ASTN2: variants seen among roughly 807,000 people sequenced by gnomAD.
ASTN2 encodes the protein astrotactin 2.
In ASTN2, 54 loss-of-function variants were observed where a neutral mutation model predicts 139.8. The ratio of observed to expected loss-of-function variants is 0.39; its 90% CI spans 0.31 to 0.48. The LOEUF (loss-of-function observed/expected upper bound fraction) is 0.48, where lower values mean the gene tolerates loss of function less well. ASTN2 is among the 20% of genes least tolerant of loss of function. The probability of loss-of-function intolerance (pLI) is 0.95; values close to 1 mark genes in which losing one functional copy is unlikely to be tolerated. For missense variants in ASTN2, 1,565 were observed against 1,725.1 expected (o/e 0.91, Z 1.64); for synonymous variants, 756 against 719.5 (o/e 1.05, Z -0.81).
intron 1 of ASTN2, among the ~76,000 whole-genome samples, chr9:117,308,971 C>T (rs1827872978): frequency 6.6e-6 from 1 of 152,214 alleles, no homozygotes; most frequent in Non-Finnish European, 1.5e-5. Flanking sequence ...ATGACCTCCC[C>T]TTCCATAAGT....
intron 7 of ASTN2, among the ~76,000 whole-genome samples, chr9:116,991,419 A>T (rs2132551955): frequency 6.7e-6 from 1 of 150,126 alleles, no homozygotes; most frequent in South Asian, 2.1e-4. Context: ...ATCATGATTA[A>T]GTCTTTTGTG....
chr9:116,501,578 A>G (rs1849855031), intron 19 of ASTN2, among the ~76,000 whole-genome samples: 1 of 152,110 alleles, frequency 6.6e-6, no homozygotes, highest in African/African-American at 2.4e-5. Flanking sequence ...TTACAGTCCC[A>G]CCAACAGTGT....
intron 13 of ASTN2, among the ~76,000 whole-genome samples, chr9:116,743,170 C>A (rs1311895254): frequency 6.6e-6 from 1 of 152,104 alleles, no homozygotes; most frequent in Non-Finnish European, 1.5e-5. Flanking sequence ...GGGGAGAATG[C>A]AACTGAGGCA....
At chr9:117,087,381 C>T (rs1828593880) in intron 5 of ASTN2, among the ~76,000 whole-genome samples, 1 of 152,046 alleles carries the variant, frequency 6.6e-6, no homozygotes, top group South Asian at 2.1e-4. Context: ...ATTAAAGGCA[C>T]ATGCCACTAC....
intron 17 of ASTN2, among the ~76,000 whole-genome samples, chr9:116,634,467 G>A (rs1223527119): frequency 6.6e-6 from 1 of 151,744 alleles, no homozygotes; most frequent in Non-Finnish European, 1.5e-5. Flanking sequence ...GCGGGCGCCT[G>A]TAGTCCCAGC....
chr9:117,384,396 G>A (rs957949344), intron 1 of ASTN2, among the ~76,000 whole-genome samples: 2 of 151,574 alleles, frequency 1.3e-5, no homozygotes, highest in Admixed American at 6.6e-5. Flanking sequence ...AACACATCTC[G>A]GCCTAACCAA....
chr9:117,289,079 A>G lies in ASTN2; in HGVS notation c.630+2247T>C, dbSNP rs532173772. On this transcript the variant is annotated intron_variant, in intron 2 of 22. Transcript: ENST00000313400. ...AGTCTGTGCTTATGGCTGTCTTCCT[A>G]CCTCTAGAGAGAGCAGTGTTATTGG... Among the ~76,000 whole-genome samples, 3 of 152,288 alleles carry G rather than the reference A, an allele frequency of 2.0e-5. No homozygotes were observed. In the South Asian group the frequency reaches 6.2e-4, roughly 32 times the overall value.
chr9:116,955,090 T>C (rs1210274005), intron 10 of ASTN2, among the ~76,000 whole-genome samples: 1 of 152,250 alleles, frequency 6.6e-6, no homozygotes, highest in South Asian at 2.1e-4. Flanking sequence ...TGGTGTCAGA[T>C]AGAGCTCTAT....
intron 10 of ASTN2, among the ~76,000 whole-genome samples, chr9:116,866,854 C>T (rs942675538): frequency 3.6e-5 from 5 of 140,080 alleles, no homozygotes; most frequent in South Asian, 2.4e-4. Context: ...GATCGTGCCA[C>T]GGCACTCTAG....
At chr9:117,189,834 G>T (rs1430715429) in intron 3 of ASTN2, among the ~76,000 whole-genome samples, 1 of 152,166 alleles carries the variant, frequency 6.6e-6, no homozygotes, top group Non-Finnish European at 1.5e-5. Context: ...AGTTGAAAGA[G>T]AGTGGTATCC....
intron 20 of ASTN2, among the ~76,000 whole-genome samples, chr9:116,463,672 G>T (rs1848561497): frequency 6.6e-6 from 1 of 152,154 alleles, no homozygotes; most frequent in Non-Finnish European, 1.5e-5. Flanking sequence ...GTATGGAAAA[G>T]AAGACAGCTC....
chr9:117,225,535 G>GTATATATATGTGTATATATATA, intron 2 of ASTN2, among the ~76,000 whole-genome samples: 1 of 63,962 alleles, frequency 1.6e-5, no homozygotes. Flanking sequence ...CAAGCTGTAT[G>GTATATATATGTGTATATATATA]TATATATATA....
chr9:117,281,349 T>A (rs1203581741), intron 2 of ASTN2, among the ~76,000 whole-genome samples: 1 of 152,162 alleles, frequency 6.6e-6, no homozygotes, highest in African/African-American at 2.4e-5. Flanking sequence ...ACAGTTTAAG[T>A]CCTCATCTGT....
At chr9:116,787,731 T>C (rs908455370) in intron 13 of ASTN2, among the ~76,000 whole-genome samples, 20 of 152,200 alleles carry the variant, frequency 1.3e-4, no homozygotes, top group Non-Finnish European at 2.6e-4. Context: ...TTCTTGCCTG[T>C]TTAACATCAT....
intron 1 of ASTN2, among the ~76,000 whole-genome samples, chr9:117,316,681 A>T (rs966525450): frequency 1.4e-4 from 21 of 152,032 alleles, no homozygotes; most frequent in Admixed American, 1.3e-3. Context: ...TGACCGGAAC[A>T]CTCTAACTCC....
intron 4 of ASTN2, among the ~76,000 whole-genome samples, chr9:117,106,823 C>T (rs1372282739): frequency 6.6e-6 from 1 of 152,020 alleles, no homozygotes; most frequent in East Asian, 1.9e-4. Flanking sequence ...TATACCGATA[C>T]ATTTATTTAT....
In ASTN2 at chr9:117,052,432, CT is replaced by C. The variant is rs1160321027; in HGVS notation, c.1277-12468del. Among the ~76,000 whole-genome samples, 254 of 64,286 alleles carry C rather than the reference CT, an allele frequency of 4.0e-3. 2 individuals are homozygous for C. Among genetic ancestry groups the C allele is most frequent in the African/African-American group, 9.5e-3 (130 of 13,742 alleles). The allele number at this position is 64,286 out of a possible 152,430, so 42.2% of individuals were successfully genotyped here. A position where few individuals can be genotyped will look rare whatever the true frequency, so the allele number is the denominator to read the frequency against. ...AGCCTGGGCGAGAGAGAGACTCCAT[CT>C]TAAAAAAAAAAAAAAAAAGAAAGAA... On this transcript the variant is annotated intron_variant, in intron 5 of 22. Transcript: ENST00000313400.
At chr9:116,533,241 C>G (rs1851444095) in intron 19 of ASTN2, among the ~76,000 whole-genome samples, 1 of 152,184 alleles carries the variant, frequency 6.6e-6, no homozygotes, top group Non-Finnish European at 1.5e-5. Flanking sequence ...AGTTGCTTAT[C>G]AGCTTAAGGG....
rs967367749 is a variant in ASTN2 at position 116,515,612 on chromosome 9, T to A, written c.3356-28112A>T. ...GCCATATAGGGATACACTCTACTTT[T>A]GGACTTCTGGTAGCCTGAGATAATC... On this transcript the variant is annotated intron_variant, in intron 19 of 22. Coordinates refer to ENST00000313400, the MANE Select transcript of ASTN2 (RefSeq NM_001365068.1). 2.6e-5 allele frequency among the ~76,000 whole-genome samples: 4 copies of A among 152,282 alleles called. No homozygotes were observed. In the East Asian group the frequency reaches 7.7e-4, roughly 29 times the overall value.
Sources: allele counts gnomAD v4.1 joint callset (sites outside exome capture counted in the v4.1 genomes callset), GRCh38; gene constraint gnomAD v4.1.1; transcripts MANE v1.5; gene names NCBI Gene and HGNC (gene_info 2026-07-23, HGNC 2026-07-21).